The following PTCH1 variants were observed in gnomAD, a reference collection of about 807,000 sequenced individuals.
The protein encoded by PTCH1 is patched 1.
A neutral mutation model predicts 144.6 loss-of-function variants in PTCH1; 14 were observed. The observed-to-expected ratio is 0.10, with a 90% CI of 0.06 to 0.15. PTCH1 has a LOEUF of 0.15. PTCH1 is among the 10% of genes least tolerant of loss of function. The pLI is 1.00. For synonymous variants in PTCH1, 833 were observed against 793.6 expected (o/e 1.05, Z -0.83); for missense variants, 1,623 against 1,948.3 (o/e 0.83, Z 3.14).
At chr9:95,510,353 C>T (rs1247495111), upstream of PTCH1, among the ~76,000 whole-genome samples, 1 of 152,150 alleles carries the variant, frequency 6.6e-6, no homozygotes, top group East Asian at 1.9e-4. Context: ...TCATTGAAAA[C>T]AAACTGTGCG....
intron 23 of PTCH1, 93 bp downstream of exon 23, chr9:95,446,818 A>T: frequency 6.5e-7 from 1 of 1,539,220 alleles, no homozygotes; most frequent in Non-Finnish European, 8.9e-7. Context: ...CGAGCGCCAC[A>T]GCCCCTCGGG....
upstream of PTCH1, chr9:95,514,189 C>G (rs2118946862): frequency 6.6e-6 from 1 of 152,348 alleles, no homozygotes; most frequent in Admixed American, 6.5e-5. Flanking sequence ...TGAAAGAAAA[C>G]AGAGCATTGA....
At chr9:95,461,115 G>T (rs1480105183) in intron 16 of PTCH1, among the ~76,000 whole-genome samples, 1 of 152,134 alleles carries the variant, frequency 6.6e-6, no homozygotes, top group Non-Finnish European at 1.5e-5. Context: ...GGTAGCCCGG[G>T]CCCCGTGCAA....
At chr9:95,514,645 TGTGAGA>T (rs1462548214) in intron 1 of PTCH1, 3 of 123,878 alleles carry the variant, frequency 2.4e-5, no homozygotes, top group African/African-American at 8.6e-5. Flanking sequence ...TGTGTGTGTG[TGTGAGA>T]GAGAGAGAGG....
intron 2 of PTCH1, among the ~76,000 whole-genome samples, chr9:95,487,924 G>C (rs1842096471): frequency 1.3e-5 from 2 of 152,192 alleles, no homozygotes; most frequent in Admixed American, 6.5e-5. Flanking sequence ...GTGAGGAGCA[G>C]TCCATGACAG....
Position 95,443,559 on chromosome 9 carries a change from A to C in PTCH1, c.*2834T>G, listed in dbSNP as rs1476296577. ...GCCAATGGTAACTAATAAACACTTC[A>C]TAATCGCATGAATATCCACTCTGCT... On this transcript the variant is annotated 3_prime_UTR_variant, in exon 24 of 24. Transcript: ENST00000331920. 2.6e-5 allele frequency: 4 copies of C among 152,750 alleles called. No individual in the cohort carries two copies. Among genetic ancestry groups the C allele is most frequent in the South Asian group, 4.1e-4 (2 of 4,830 alleles). The allele number at this position is 152,750 out of a possible 1,614,324, so 9.5% of individuals were successfully genotyped here. A position where few individuals can be genotyped will look rare whatever the true frequency, so the allele number is the denominator to read the frequency against.
intron 2 of PTCH1, chr9:95,495,276 A>G (rs1842710464): frequency 6.6e-6 from 1 of 152,174 alleles, no homozygotes; most frequent in East Asian, 1.9e-4. Context: ...CACCAACCAA[A>G]AAACGGAAGG....
intron 19 of PTCH1, among the ~76,000 whole-genome samples, chr9:95,455,226 CAA>C (rs1564015862): frequency 6.6e-6 from 1 of 152,140 alleles, no homozygotes; most frequent in African/African-American, 2.4e-5. Flanking sequence ...TTCCAAAACA[CAA>C]AAGTTTACAA....
At chr9:95,515,239 C>T (rs1844312449) in intron 1 of PTCH1, among the ~76,000 whole-genome samples, 1 of 152,168 alleles carries the variant, frequency 6.6e-6, no homozygotes, top group South Asian at 2.1e-4. Context: ...ACACAGAATG[C>T]TGAAAAAGGA....
At position 95,477,536 on chromosome 9, in the gene PTCH1, T is replaced by C; in HGVS notation, c.1503+11A>G. ...TGTCAACGGACAGCAGATAAATGGC[T>C]CCTTTAGTACCTGAGTTGTTGCAGC... On this transcript the variant is annotated intron_variant, in intron 10 of 23. Coordinates refer to ENST00000331920, the MANE Select transcript of PTCH1 (RefSeq NM_000264.5). The C allele has an allele frequency of 6.2e-7, 1 of 1,614,094 alleles. No individual in the cohort carries two copies. The highest frequency in any genetic ancestry group is 8.5e-7 in the Non-Finnish European group (1 of 1,180,000).
intron 23 of PTCH1, 87 bp from the exon 24 acceptor site, chr9:95,446,478 C>A (rs1371492333): frequency 1.0e-5 from 5 of 496,944 alleles, no homozygotes; most frequent in Non-Finnish European, 2.0e-5. Context: ...GCAGCAGTAA[C>A]CTTGGTATTA....
intron 3 of PTCH1, chr9:95,483,079 C>G (rs1005281211): frequency 6.6e-6 from 1 of 151,784 alleles, no homozygotes; most frequent in South Asian, 2.1e-4. Context: ...GCCTGGGTGA[C>G]AGAGAGTGAC....
At chr9:95,461,081 G>A (rs1305375528) in intron 16 of PTCH1, among the ~76,000 whole-genome samples, 1 of 152,120 alleles carries the variant, frequency 6.6e-6, no homozygotes, top group African/African-American at 2.4e-5. Flanking sequence ...AAAGAGCCAA[G>A]GGAAGAGGCT....
At position 95,462,103 on chromosome 9, in the gene PTCH1, C is replaced by T. The variant is rs1040244502; in HGVS notation, c.2561-105G>A. 1.7e-5 allele frequency: 23 copies of T among 1,335,264 alleles called. No homozygotes were observed. In the Admixed American group the frequency reaches 3.0e-4, roughly 18 times the overall value. 82.7% of individuals were successfully genotyped at this position (1,335,264 alleles called of 1,614,324 possible). On this transcript the variant is annotated intron_variant, in intron 15 of 23. Transcript: ENST00000331920. Reference sequence around the variant, plus strand: ...CTGAGCAGGGCAGGGGGCTCTTAGACGTCCATCAGAAACACACCCTCTGTG... The same window carrying T: ...CTGAGCAGGGCAGGGGGCTCTTAGATGTCCATCAGAAACACACCCTCTGTG...
rs944320633 is a variant in PTCH1, at chr9:95,445,105, A to T, written c.*1288T>A. 1 of 152,242 alleles carries T rather than the reference A, an allele frequency of 6.6e-6. No individual in the cohort carries two copies. Among genetic ancestry groups the T allele is most frequent in the South Asian group, 2.1e-4 (1 of 4,832 alleles). 9.4% of individuals were successfully genotyped at this position (152,242 alleles called of 1,614,324 possible). A position where few individuals can be genotyped will look rare whatever the true frequency, so the allele number is the denominator to read the frequency against. On this transcript the variant is annotated 3_prime_UTR_variant, in exon 24 of 24. Transcript: ENST00000331920. ...ACATAATGCCTGCCTCTACACCACA[A>T]TGCATGCTCACCACTTAGTTTTAAA...
intron 1 of PTCH1, among the ~76,000 whole-genome samples, chr9:95,516,154 C>A (rs1016125979): frequency 2.0e-5 from 3 of 151,370 alleles, no homozygotes; most frequent in Non-Finnish European, 3.0e-5. Context: ...CGTGAGAATT[C>A]CCCCCGGAGC....
At chr9:95,470,311 C>T (rs778579376) in intron 12 of PTCH1, among the ~76,000 whole-genome samples, 4 of 152,182 alleles carry the variant, frequency 2.6e-5, no homozygotes, top group African/African-American at 4.8e-5. Context: ...CAAGAGGTCA[C>T]GCGACCCTGA....
chr9:95,505,235 G>A (rs1843475828), intron 2 of PTCH1, among the ~76,000 whole-genome samples: 1 of 152,180 alleles, frequency 6.6e-6, no homozygotes, highest in Admixed American at 6.5e-5. Flanking sequence ...AGGGATCACT[G>A]AAGCGATTAT....
At chr9:95,462,055 C>A (rs2136691160) in intron 15 of PTCH1, 57 bp from the exon 16 acceptor site, 1 of 1,608,566 alleles carries the variant, frequency 6.2e-7, no homozygotes, top group Non-Finnish European at 8.5e-7. Flanking sequence ...GGACCCTGGT[C>A]CTAGCGGGGT....
Sources: allele counts gnomAD v4.1 joint callset (sites outside exome capture counted in the v4.1 genomes callset), GRCh38; gene constraint gnomAD v4.1.1; transcripts MANE v1.5; gene names NCBI Gene and HGNC (gene_info 2026-07-23, HGNC 2026-07-21).